The following YTHDC1 variants were observed in gnomAD, a reference collection of about 807,000 sequenced individuals.
YTHDC1 encodes YTH N6-methyladenosine RNA binding protein C1, also known as YTH domain-containing protein 1.
A neutral mutation model predicts 107.0 loss-of-function variants in YTHDC1; 12 were observed. The ratio of observed to expected loss-of-function variants is 0.11; its 90% confidence interval spans 0.07 to 0.18. The LOEUF (loss-of-function observed/expected upper bound fraction) is 0.18. YTHDC1 is among the 10% of genes least tolerant of loss of function. The pLI is 1.00. For missense variants in YTHDC1, 635 were observed against 898.8 expected (o/e 0.71, Z 3.75); for synonymous variants, 280 against 289.5 (o/e 0.97, Z 0.33).
At position 68,316,351 on chromosome 4, in the gene YTHDC1, GGAT is replaced by G; in HGVS notation, c.1919_1921del (p.His640del). 1 of 1,613,938 alleles carries G rather than the reference GGAT, an allele frequency of 6.2e-7. No individual in the cohort carries two copies. The highest frequency in any genetic ancestry group is 8.5e-7 in the Non-Finnish European group (1 of 1,179,920). On this transcript the variant is annotated inframe_deletion, in exon 16 of 17. Transcript: ENST00000344157. Reference sequence around the variant, plus strand: ...TCTGTATCTTGCTTCATGTGGTACTGGATGATGTCCTGAGTAAGGGGGATGAGC... The same window carrying G: ...TCTGTATCTTGCTTCATGTGGTACTGGATGTCCTGAGTAAGGGGGATGAGC...
chr4:68,335,501 T>C (rs776884023), intron 4 of YTHDC1, among the ~76,000 whole-genome samples: 3 of 152,182 alleles, frequency 2.0e-5, no homozygotes, highest in Non-Finnish European at 4.4e-5. Context: ...TCAATCAAGT[T>C]ACCTTACTAT....
chr4:68,315,291 CATG>C (rs1194283537), intron 16 of YTHDC1, among the ~76,000 whole-genome samples: 7 of 152,080 alleles, frequency 4.6e-5, no homozygotes, highest in East Asian at 1.9e-4. Context: ...TGTTAGAAGT[CATG>C]ATAAGATTTG....
intron 1 of YTHDC1, among the ~76,000 whole-genome samples, chr4:68,346,095 A>ATATATATG (rs1553908069): frequency 4.3e-5 from 6 of 139,600 alleles, no homozygotes; most frequent in Non-Finnish European, 7.7e-5. Flanking sequence ...ATATATATAT[A>ATATATATG]TATATACACA....
intron 15 of YTHDC1, 40 bp downstream of exon 15, chr4:68,318,479 A>G (rs1221174432): frequency 1.3e-6 from 2 of 1,537,348 alleles, no homozygotes; most frequent in Non-Finnish European, 1.8e-6. Flanking sequence ...TAGAACTGCA[A>G]ATTAAGTTAT....
At chr4:68,332,960 G>A (rs1452534011) in intron 5 of YTHDC1, 113 bp from the exon 6 acceptor site, 39 of 872,250 alleles carry the variant, frequency 4.5e-5, no homozygotes, top group Non-Finnish European at 6.3e-5. Flanking sequence ...TCTTCCTGGC[G>A]CACCCACACA....
At position 68,322,543 on chromosome 4, in the gene YTHDC1, A is replaced by C. The variant is rs181332044; in HGVS notation, c.1601+206T>G. 6.0e-5 allele frequency: 34 copies of C among 570,774 alleles called. No homozygotes were observed. Among genetic ancestry groups the C allele is most frequent in the Non-Finnish European group, 1.5e-5 (5 of 332,066 alleles). The allele number at this position is 570,774 out of a possible 1,614,324, so 35.4% of individuals were successfully genotyped here. On this transcript the variant is annotated intron_variant, in intron 11 of 16. Transcript: ENST00000344157. The surrounding 1 kb of genome is among the most constrained non-coding windows in gnomAD (Gnocchi z 4.8). ...TGGTTATACTTTTTTCTGCATAAGG[A>C]AAGATCCCCATTTTCCTCTTGAAAA...
At chr4:68,316,057 T>G (rs370384116) in intron 16 of YTHDC1, 4 of 305,846 alleles carry the variant, frequency 1.3e-5, no homozygotes, top group African/African-American at 4.3e-5. Flanking sequence ...GCCTAGGTAC[T>G]ACCTAAAAGG....
At position 68,310,550 on chromosome 4, in the gene YTHDC1, C is replaced by A. The variant is rs1441622574; in HGVS notation, c.*3549G>T. 6.6e-6 allele frequency: 1 copy of A among 152,158 alleles called. No homozygotes were observed. The highest frequency in any genetic ancestry group is 2.4e-5 in the African/African-American group (1 of 41,442). 9.4% of individuals were successfully genotyped at this position (152,158 alleles called of 1,614,324 possible). On this transcript the variant is annotated 3_prime_UTR_variant, in exon 17 of 17. Transcript: ENST00000344157. ...GATCTACATGATAGATAACAGAATA[C>A]TATGCATGGATTGCTTATACTCTAA...
At chr4:68,321,468 C>A (rs1475988391) in intron 11 of YTHDC1, among the ~76,000 whole-genome samples, 1 of 152,078 alleles carries the variant, frequency 6.6e-6, no homozygotes, top group Non-Finnish European at 1.5e-5. Flanking sequence ...AAGCTGTAAG[C>A]CACATACATA....
chr4:68,349,911 C>G lies in YTHDC1; in HGVS notation c.-158G>C. The stretch of plus-strand genomic sequence containing the variant: ...CTCTTAACACTCAGCCTTCTCGACT[C>G]TTCCCGCTTTTTCCCTTTCTCCCTT... On this transcript the variant is annotated 5_prime_UTR_variant, in exon 1 of 17. Transcript: ENST00000344157. 1.0e-6 allele frequency: 1 copy of G among 975,536 alleles called. No homozygotes were observed. Among genetic ancestry groups the G allele is most frequent in the Non-Finnish European group, 1.5e-6 (1 of 645,870 alleles). 60.4% of individuals were successfully genotyped at this position (975,536 alleles called of 1,614,324 possible).
At chr4:68,338,216 T>G in intron 2 of YTHDC1, 67 bp downstream of exon 2, 3 of 1,437,732 alleles carry the variant, frequency 2.1e-6, no homozygotes, top group Non-Finnish European at 2.8e-6. Flanking sequence ...CAGTCATTTT[T>G]TTTAAGAAAT....
rs1205942924 is a variant in YTHDC1 at position 68,349,847 on chromosome 4, C to CGTCA, written c.-98_-95dup. 2.7e-5 allele frequency: 42 copies of CGTCA among 1,564,308 alleles called. 2 individuals carry two copies. Among genetic ancestry groups the CGTCA allele is most frequent in the Non-Finnish European group, 3.2e-5 (37 of 1,141,422 alleles). ...GCCGCGGCAGAAGCACGGGCCCGTC[C>CGTCA]GTCAGTCCGTCTGCCCGGATACGCG... On this transcript the variant is annotated 5_prime_UTR_variant, in exon 1 of 17. Coordinates refer to ENST00000344157, the MANE Select transcript of YTHDC1 (RefSeq NM_001031732.4).
At chr4:68,336,685 GA>G (rs1724204970) in intron 4 of YTHDC1, among the ~76,000 whole-genome samples, 1 of 152,144 alleles carries the variant, frequency 6.6e-6, no homozygotes. Flanking sequence ...GGTTTCCTAT[GA>G]ATATACTTCA....
intron 9 of YTHDC1, among the ~76,000 whole-genome samples, chr4:68,327,517 G>C (rs1034362688): frequency 6.6e-6 from 1 of 152,104 alleles, no homozygotes; most frequent in Non-Finnish European, 1.5e-5. Context: ...ACAGGTTTGA[G>C]GTGGGTTTCA....
In YTHDC1 at chr4:68,314,142, TCA is replaced by T; in HGVS notation, c.2139_2140del (p.Cys713Ter). On this transcript the variant is annotated stop_gained and frameshift_variant, in exon 17 of 17. Coordinates refer to ENST00000344157, the MANE Select transcript of YTHDC1 (RefSeq NM_001031732.4). LOFTEE classifies it high-confidence loss of function. The stretch of plus-strand genomic sequence containing the variant: ...TCTCTCCCCTCGGTCTCTGTCTCGA[TCA>T]CATAATCGCTCTCTTTCTCTTTCTC... 1 of 1,614,028 alleles carries T rather than the reference TCA, an allele frequency of 6.2e-7. No individual in the cohort carries two copies. Among genetic ancestry groups the T allele is most frequent in the South Asian group, 1.1e-5 (1 of 91,080 alleles).
chr4:68,324,071 C>T (rs1560479549), intron 10 of YTHDC1, 68 bp downstream of exon 10: 1 of 1,399,708 alleles, frequency 7.1e-7, no homozygotes, highest in Non-Finnish European at 9.9e-7. Context: ...AAAACGAATA[C>T]ATCAATAAAG....
intron 4 of YTHDC1, among the ~76,000 whole-genome samples, chr4:68,335,118 A>G (rs189472283): frequency 6.6e-4 from 100 of 152,290 alleles, no homozygotes; most frequent in African/African-American, 2.2e-3. Flanking sequence ...GTTATCAATC[A>G]GTCTGTTGCT....
intron 12 of YTHDC1, among the ~76,000 whole-genome samples, 196 bp from the exon 13 acceptor site, chr4:68,319,058 T>C (rs527613702): frequency 7.4e-4 from 112 of 152,296 alleles, no homozygotes; most frequent in African/African-American, 2.3e-3. Context: ...AATGATATCA[T>C]AGAATTGTAA....
chr4:68,349,699 C>A, intron 1 of YTHDC1, 27 bp downstream of exon 1: 1 of 1,599,732 alleles, frequency 6.3e-7, no homozygotes, highest in Non-Finnish European at 8.5e-7. Context: ...AGCCTCGCCT[C>A]GGCCCGTCAT....
Sources: allele counts gnomAD v4.1 joint callset (sites outside exome capture counted in the v4.1 genomes callset), GRCh38; gene constraint gnomAD v4.1.1; non-coding constraint Gnocchi (gnomAD v3.1); transcripts MANE v1.5; gene names NCBI Gene and HGNC (gene_info 2026-07-23, HGNC 2026-07-21).